TMEM266: variants seen among roughly 807,000 people sequenced by gnomAD.
The protein encoded by TMEM266 is Hv1 related protein 1.
In TMEM266, 33 loss-of-function variants were observed where a neutral mutation model predicts 50.5. The ratio of observed to expected loss-of-function variants is 0.65; its 90% CI spans 0.50 to 0.87. TMEM266 has a LOEUF of 0.87. TMEM266 is among the 40% of genes least tolerant of loss of function. The pLI, the probability that TMEM266 is intolerant of heterozygous loss-of-function variation, is 0.00. For missense variants in TMEM266, 655 were observed against 695.1 expected (o/e 0.94, Z 0.65); for synonymous variants, 310 against 292.3 (o/e 1.06, Z -0.62).
intron 1 of TMEM266, among the ~76,000 whole-genome samples, chr15:76,089,048 C>T (rs1407028814): frequency 2.4e-5 from 3 of 123,192 alleles, no homozygotes; most frequent in East Asian, 2.6e-4. Flanking sequence ...GAGCCGAAAT[C>T]GTGCCACTGC....
At chr15:76,088,496 G>GA (rs1443004738) in intron 1 of TMEM266, among the ~76,000 whole-genome samples, 1 of 151,880 alleles carries the variant, frequency 6.6e-6, no homozygotes, top group Non-Finnish European at 1.5e-5. Context: ...CTATTGAAAA[G>GA]AAAAAAAGAA....
chr15:76,169,281 T>G (rs2038149637), intron 5 of TMEM266, among the ~76,000 whole-genome samples: 1 of 151,980 alleles, frequency 6.6e-6, no homozygotes, highest in African/African-American at 2.4e-5. Context: ...AGTCTTTAGT[T>G]GGGTGGCCAT....
At position 76,139,551 on chromosome 15, in the gene TMEM266, C is replaced by T. The variant is rs1244513121; in HGVS notation, c.227+1656C>T. On this transcript the variant is annotated intron_variant, in intron 3 of 10. Coordinates refer to ENST00000388942, the MANE Select transcript of TMEM266 (RefSeq NM_152335.3). The surrounding 1 kb of genome is among the most constrained non-coding windows in gnomAD (Gnocchi z 4.1). ...AAGGGTCCCAACACTTGGCTAAATG[C>T]TCTGCCGCTGCTGTCTTGAAATTCT... Among the ~76,000 whole-genome samples the T allele has an allele frequency of 1.3e-5, 2 of 152,212 alleles. No individual in the cohort carries two copies. Among genetic ancestry groups the T allele is most frequent in the African/African-American group, 4.8e-5 (2 of 41,452 alleles).
At chr15:76,145,729 G>T (rs572456203) in intron 3 of TMEM266, among the ~76,000 whole-genome samples, 2 of 152,208 alleles carry the variant, frequency 1.3e-5, no homozygotes, top group Non-Finnish European at 2.9e-5. Context: ...TTCATCCAGC[G>T]TCTCTAGACA....
chr15:76,203,617 A>G, intron 10 of TMEM266, 124 bp from the exon 11 acceptor site: 1 of 878,966 alleles, frequency 1.1e-6, no homozygotes, highest in Non-Finnish European at 1.8e-6. Flanking sequence ...TCCTTCCACA[A>G]AGGCACGGTC....
At chr15:76,154,598 G>A (rs564968777) in intron 3 of TMEM266, among the ~76,000 whole-genome samples, 2 of 152,000 alleles carry the variant, frequency 1.3e-5, no homozygotes, top group East Asian at 3.9e-4. Context: ...GGTTCACATC[G>A]ACCATCCCCA....
chr15:76,073,155 T>G (rs1317891147), intron 1 of TMEM266, among the ~76,000 whole-genome samples: 5 of 149,676 alleles, frequency 3.3e-5, no homozygotes, highest in Non-Finnish European at 5.9e-5. Context: ...GGTCTCGAAC[T>G]CTTGACCTCA....
At chr15:76,184,620 C>T (rs1417913815) in intron 8 of TMEM266, among the ~76,000 whole-genome samples, 2 of 152,236 alleles carry the variant, frequency 1.3e-5, no homozygotes, top group Non-Finnish European at 2.9e-5. Context: ...TAGATACCAT[C>T]GAGCTTCTGG....
intron 1 of TMEM266, among the ~76,000 whole-genome samples, chr15:76,097,477 G>A (rs1169131928): frequency 6.6e-6 from 1 of 151,928 alleles, no homozygotes; most frequent in Non-Finnish European, 1.5e-5. Flanking sequence ...TCTGCAGAGA[G>A]ATCTGCTGCT....
intron 1 of TMEM266, among the ~76,000 whole-genome samples, chr15:76,085,815 G>A (rs1287565042): frequency 6.6e-6 from 1 of 152,142 alleles, no homozygotes; most frequent in Non-Finnish European, 1.5e-5. Flanking sequence ...GGGAGGCCGA[G>A]GTGGGCGGAT....
Position 76,139,979 on chromosome 15 carries a change from T to C in TMEM266, c.227+2084T>C, listed in dbSNP as rs1346237197. On this transcript the variant is annotated intron_variant, in intron 3 of 10. Transcript: ENST00000388942. The surrounding 1 kb of genome is among the most constrained non-coding windows in gnomAD (Gnocchi z 4.1). ...CCCCTTTCCAGGTATCCCCTGTGTATCACTCCCTAGCCTGAACCCCAAGGC... is the reference window on the plus strand; with the variant it reads ...CCCCTTTCCAGGTATCCCCTGTGTACCACTCCCTAGCCTGAACCCCAAGGC... Among the ~76,000 whole-genome samples the C allele has an allele frequency of 6.6e-6, 1 of 152,218 alleles. No homozygotes were observed. The highest frequency in any genetic ancestry group is 1.5e-5 in the Non-Finnish European group (1 of 68,036).
chr15:76,194,413 A>G (rs1349557084), intron 9 of TMEM266, among the ~76,000 whole-genome samples: 1 of 152,108 alleles, frequency 6.6e-6, no homozygotes, highest in Non-Finnish European at 1.5e-5. Flanking sequence ...TGATTGTTCC[A>G]AAATCTTTCA....
At chr15:76,064,201 C>G (rs1185854384) in intron 1 of TMEM266, among the ~76,000 whole-genome samples, 1 of 152,224 alleles carries the variant, frequency 6.6e-6, no homozygotes, top group Non-Finnish European at 1.5e-5. Flanking sequence ...GCTTTTTACA[C>G]AGACAGGTGA....
rs869247918 is a variant in TMEM266, at chr15:76,130,218, C to CA, written c.-96-3914dup. Among the ~76,000 whole-genome samples the CA allele has an allele frequency of 9.7e-4, 25 of 25,780 alleles. 9 individuals are homozygous for CA. The highest frequency in any genetic ancestry group is 1.4e-3 in the Admixed American group (2 of 1,418). 16.9% of individuals were successfully genotyped at this position (25,780 alleles called of 152,430 possible). A position where few individuals can be genotyped will look rare whatever the true frequency, so the allele number is the denominator to read the frequency against. On this transcript the variant is annotated intron_variant, in intron 1 of 10. Transcript: ENST00000388942. ...TCTGGCCAACAGAGTGAGACCCTGT[C>CA]AAAAAAAAAAAAAAAAAAAAAAAAA...
chr15:76,095,722 C>CGG (rs2036912339), intron 1 of TMEM266, among the ~76,000 whole-genome samples: 1 of 151,682 alleles, frequency 6.6e-6, no homozygotes, highest in South Asian at 2.1e-4. Flanking sequence ...TGGTAGAATT[C>CGG]GGCTGTGAAT....
chr15:76,090,241 C>T (rs562059983), intron 1 of TMEM266, among the ~76,000 whole-genome samples: 1 of 152,028 alleles, frequency 6.6e-6, no homozygotes, highest in Non-Finnish European at 1.5e-5. Context: ...CCTATAGTCC[C>T]AGCACTTTGG....
chr15:76,131,626 TG>T lies in TMEM266; in HGVS notation c.-96-2540del, dbSNP rs144595159. Reference sequence around the variant, plus strand: ...GAATTTTATAAGACTTAGTATAAAATGGATATGAAATCCCAAATACTATAGA... The same window carrying T: ...GAATTTTATAAGACTTAGTATAAAATGATATGAAATCCCAAATACTATAGA... On this transcript the variant is annotated intron_variant, in intron 1 of 10. Coordinates refer to ENST00000388942, the MANE Select transcript of TMEM266 (RefSeq NM_152335.3). Among the ~76,000 whole-genome samples the T allele has an allele frequency of 4.4e-3, 666 of 152,354 alleles. 9 individuals are homozygous for T. The highest frequency in any genetic ancestry group is 0.015 in the African/African-American group (639 of 41,586).
chr15:76,155,048 A>C (rs575077077), intron 3 of TMEM266, among the ~76,000 whole-genome samples: 2 of 152,360 alleles, frequency 1.3e-5, no homozygotes, highest in African/African-American at 2.4e-5. Context: ...TTTACAGGGC[A>C]GATTAGTTCC....
chr15:76,204,448 A>G lies in TMEM266; in HGVS notation c.*133A>G, dbSNP rs921997670. 6 of 839,798 alleles carry G rather than the reference A, an allele frequency of 7.1e-6. No homozygotes were observed. The highest frequency in any genetic ancestry group is 1.1e-5 in the Non-Finnish European group (6 of 552,298). The allele number at this position is 839,798 out of a possible 1,614,324, so 52.0% of individuals were successfully genotyped here. On this transcript the variant is annotated 3_prime_UTR_variant, in exon 11 of 11. Coordinates refer to ENST00000388942, the MANE Select transcript of TMEM266 (RefSeq NM_152335.3). Reference sequence around the variant, plus strand: ...CTCCCTCAGGGTGCTGCCTGCCTCCAGGGAGGCGACGCCAGGCCAGGAGGC... The same window carrying G: ...CTCCCTCAGGGTGCTGCCTGCCTCCGGGGAGGCGACGCCAGGCCAGGAGGC...
Sources: allele counts gnomAD v4.1 joint callset (sites outside exome capture counted in the v4.1 genomes callset), GRCh38; gene constraint gnomAD v4.1.1; non-coding constraint Gnocchi (gnomAD v3.1); transcripts MANE v1.5; gene names NCBI Gene and HGNC (gene_info 2026-07-23, HGNC 2026-07-21).